CCDC73: variants seen among roughly 807,000 people sequenced by gnomAD.
The protein encoded by CCDC73 is coiled-coil domain-containing protein 73.
A neutral mutation model predicts 116.5 loss-of-function variants in CCDC73; 95 were observed. The observed-to-expected ratio is 0.82, with a 90% CI of 0.69 to 0.97. The LOEUF is 0.97. CCDC73 is among the 50% of genes least tolerant of loss of function. CCDC73 has a pLI of 0.00. For synonymous variants in CCDC73, 398 were observed against 401.3 expected (o/e 0.99, Z 0.10); for missense variants, 1,066 against 1,206.8 (o/e 0.88, Z 1.73).
intron 12 of CCDC73, among the ~76,000 whole-genome samples, chr11:32,646,336 T>A (rs968924780): frequency 1.3e-5 from 2 of 152,196 alleles, no homozygotes; most frequent in East Asian, 1.9e-4. Context: ...ATCCCATAGT[T>A]TCCTGTCTTG....
intron 17 of CCDC73, among the ~76,000 whole-genome samples, chr11:32,607,822 A>G (rs994025494): frequency 9.5e-5 from 8 of 84,286 alleles, no homozygotes; most frequent in African/African-American, 2.1e-4. Context: ...AAAAAAAAAG[A>G]TAGGTTTAAC....
At chr11:32,643,035 C>T (rs1855747404) in intron 12 of CCDC73, among the ~76,000 whole-genome samples, 1 of 151,328 alleles carries the variant, frequency 6.6e-6, no homozygotes, top group South Asian at 2.1e-4. Context: ...ACTGTTCTGT[C>T]ATCTGCTTTT....
chr11:32,820,936 C>A, the CCDC73 span, among the ~76,000 whole-genome samples: 1 of 151,884 alleles, frequency 6.6e-6, no homozygotes, highest in Non-Finnish European at 1.5e-5. Flanking sequence ...CTTGCTGATT[C>A]GTTTCAGTAC....
intron 14 of CCDC73, among the ~76,000 whole-genome samples, chr11:32,624,357 T>A (rs754087051): frequency 1.3e-5 from 2 of 151,738 alleles, no homozygotes; most frequent in East Asian, 1.9e-4. Flanking sequence ...AAAAAATAAA[T>A]AAATAAATAA....
At chr11:32,613,118 G>A (rs1285866876) in intron 16 of CCDC73, among the ~76,000 whole-genome samples, 2 of 152,076 alleles carry the variant, frequency 1.3e-5, no homozygotes, top group Admixed American at 6.6e-5. Flanking sequence ...TTAAGGAAAG[G>A]GAGAGAAAAT....
At chr11:32,677,932 A>G (rs186780816) in intron 7 of CCDC73, among the ~76,000 whole-genome samples, 1 of 133,794 alleles carries the variant, frequency 7.5e-6, no homozygotes, top group East Asian at 2.3e-4. Flanking sequence ...AGCCTAGGCA[A>G]ACAAAAGAGC....
At chr11:32,717,207 G>A (rs998991272) in intron 3 of CCDC73, among the ~76,000 whole-genome samples, 6 of 152,144 alleles carry the variant, frequency 3.9e-5, no homozygotes, top group African/African-American at 1.4e-4. Flanking sequence ...CAAACAATGA[G>A]AACAGAAATC....
At chr11:32,683,830 A>G (rs951282363) in intron 6 of CCDC73, among the ~76,000 whole-genome samples, 2 of 152,222 alleles carry the variant, frequency 1.3e-5, no homozygotes, top group African/African-American at 4.8e-5. Context: ...ACTGACAAAT[A>G]TAAGTAAAAG....
intron 12 of CCDC73, among the ~76,000 whole-genome samples, chr11:32,646,497 T>C (rs1855780019): frequency 6.6e-6 from 1 of 152,258 alleles, no homozygotes; most frequent in Admixed American, 6.5e-5. Flanking sequence ...AATACAACTC[T>C]GCTTCAGAAA....
intron 1 of CCDC73, among the ~76,000 whole-genome samples, chr11:32,794,045 T>TA (rs1685171301): frequency 6.6e-6 from 1 of 151,966 alleles, no homozygotes; most frequent in African/African-American, 2.4e-5. Flanking sequence ...GAAGAAAAAA[T>TA]AGAGAAATGT....
At chr11:32,631,605 AGGAAGGGAAG>A (rs1260792209) in intron 14 of CCDC73, among the ~76,000 whole-genome samples, 1 of 126,208 alleles carries the variant, frequency 7.9e-6, no homozygotes, top group Non-Finnish European at 1.8e-5. Flanking sequence ...AAGGAAGGAA[AGGAAGGGAAG>A]GGAAGGGAAG....
intron 1 of CCDC73, among the ~76,000 whole-genome samples, chr11:32,776,958 T>C (rs1413254143): frequency 3.6e-3 from 107 of 29,680 alleles, no homozygotes; most frequent in Non-Finnish European, 6.7e-3. Flanking sequence ...TATATATATA[T>C]ATACACACAC....
chr11:32,684,477 T>C (rs1484518732), intron 6 of CCDC73, among the ~76,000 whole-genome samples: 2 of 152,206 alleles, frequency 1.3e-5, no homozygotes, highest in African/African-American at 4.8e-5. Context: ...GACAAATTAA[T>C]GTACAATATA....
chr11:32,805,472 A>C, the CCDC73 span, among the ~76,000 whole-genome samples: 484 of 152,310 alleles, frequency 3.2e-3, 1 homozygote, highest in Non-Finnish European at 5.8e-3. Context: ...CTGCTATAAA[A>C]TATACTAAAA....
chr11:32,765,809 T>A (rs1021575672), intron 1 of CCDC73, among the ~76,000 whole-genome samples: 4 of 152,102 alleles, frequency 2.6e-5, no homozygotes, highest in Admixed American at 1.3e-4. Flanking sequence ...ATTGAGGCAA[T>A]AATTAAGAGC....
At chr11:32,730,305 GCT>G (rs1460494219) in intron 2 of CCDC73, among the ~76,000 whole-genome samples, 1 of 152,108 alleles carries the variant, frequency 6.6e-6, no homozygotes, top group African/African-American at 2.4e-5. Context: ...CATTGCTATA[GCT>G]CTGTCTTTTC....
intron 11 of CCDC73, among the ~76,000 whole-genome samples, chr11:32,653,503 T>G (rs907517122): frequency 6.6e-6 from 1 of 152,184 alleles, no homozygotes; most frequent in African/African-American, 2.4e-5. Flanking sequence ...TTTTTTGGCT[T>G]GCCACCTCCC....
chr11:32,654,265 T>A (rs1855851828), intron 10 of CCDC73, among the ~76,000 whole-genome samples: 1 of 152,150 alleles, frequency 6.6e-6, no homozygotes, highest in Admixed American at 6.5e-5. Context: ...CCTCCACCTC[T>A]TGGGTTCAAG....
At chr11:32,745,746 T>TTTTTG (rs1491519374) in intron 2 of CCDC73, among the ~76,000 whole-genome samples, 8 of 6,276 alleles carry the variant, frequency 1.3e-3, no homozygotes. Context: ...TTTGTTTTGG[T>TTTTTG]TTTTTTTTTT....
Sources: gnomAD v4.1 joint callset for allele counts (sites outside exome capture counted in the v4.1 genomes callset) on GRCh38, gnomAD v4.1.1 for gene constraint, MANE v1.5 for transcripts, NCBI Gene and HGNC (gene_info 2026-07-23, HGNC 2026-07-21) for gene names.